EYS: variants seen among roughly 807,000 people sequenced by gnomAD.
EYS encodes the protein protein eyes shut homolog.
A neutral mutation model predicts 282.1 loss-of-function variants in EYS; 250 were observed. The ratio of observed to expected loss-of-function variants is 0.89; its 90% CI spans 0.80 to 0.98. EYS has a LOEUF of 0.98. EYS is among the 50% of genes least tolerant of loss of function. EYS has a pLI of 0.00. For missense variants in EYS, 4,016 were observed against 3,709.0 expected (o/e 1.08, Z -2.15); for synonymous variants, 1,355 against 1,282.9 (o/e 1.06, Z -1.20).
chr6:65,166,823 G>T (rs1764984347), intron 12 of EYS, among the ~76,000 whole-genome samples: 1 of 151,044 alleles, frequency 6.6e-6, no homozygotes, highest in African/African-American at 2.4e-5. Context: ...TATATAGAAT[G>T]AACTCATAAG....
chr6:64,797,702 A>G (rs745427595), intron 22 of EYS, among the ~76,000 whole-genome samples: 7 of 151,886 alleles, frequency 4.6e-5, no homozygotes, highest in African/African-American at 1.4e-4. Flanking sequence ...CAATGTAAAA[A>G]TATGTTTTTA....
At chr6:65,635,980 T>C (rs953718708) in intron 2 of EYS, among the ~76,000 whole-genome samples, 7 of 152,184 alleles carry the variant, frequency 4.6e-5, no homozygotes, top group Non-Finnish European at 1.0e-4. Flanking sequence ...TGAGATGAGA[T>C]TGATTTGAGT....
At chr6:64,487,372 G>A (rs1776607045) in intron 26 of EYS, among the ~76,000 whole-genome samples, 2 of 151,048 alleles carry the variant, frequency 1.3e-5, no homozygotes, top group Admixed American at 1.3e-4. Flanking sequence ...CTGAAAAATG[G>A]TAATGATATA....
intron 22 of EYS, among the ~76,000 whole-genome samples, chr6:64,665,655 A>C (rs2149891927): frequency 6.6e-6 from 1 of 152,354 alleles, no homozygotes; most frequent in Non-Finnish European, 1.5e-5. Flanking sequence ...TGGTATAAAA[A>C]GCACACTTAA....
intron 22 of EYS, among the ~76,000 whole-genome samples, chr6:64,772,235 T>G (rs1449261249): frequency 6.6e-6 from 1 of 151,804 alleles, no homozygotes; most frequent in African/African-American, 2.4e-5. Context: ...CTATATCAGC[T>G]GTCCTGTTTA....
At chr6:64,260,448 C>T (rs754484571) in intron 30 of EYS, among the ~76,000 whole-genome samples, 8 of 152,002 alleles carry the variant, frequency 5.3e-5, no homozygotes, top group Non-Finnish European at 1.2e-4. Flanking sequence ...GTTCTTATAC[C>T]TCTTTGATAA....
chr6:64,295,928 A>G (rs1768964113), intron 30 of EYS, among the ~76,000 whole-genome samples: 2 of 152,216 alleles, frequency 1.3e-5, no homozygotes, highest in South Asian at 4.1e-4. Context: ...TTATTTTTAA[A>G]TATTTTATAA....
chr6:63,888,414 C>T (rs1773321756), intron 35 of EYS, among the ~76,000 whole-genome samples: 1 of 152,218 alleles, frequency 6.6e-6, no homozygotes, highest in African/African-American at 2.4e-5. Flanking sequence ...GGCAGGTGCC[C>T]CTCTGGGGCG....
chr6:65,704,940 A>G lies in EYS; in HGVS notation c.-448+2195T>C, dbSNP rs528683423. On this transcript the variant is annotated intron_variant, in intron 1 of 42. Coordinates refer to ENST00000503581, the MANE Select transcript of EYS (RefSeq NM_001142800.2). ...TTATTCAGCATTATTTTCCAGGGTT[A>G]TCTTCTGAAGTGTTAGTTTTATTAT... 2.0e-5 allele frequency among the ~76,000 whole-genome samples: 3 copies of G among 152,270 alleles called. No homozygotes were observed. In the South Asian group the frequency reaches 6.2e-4, roughly 32 times the overall value.
At chr6:64,403,346 T>TA (rs886147351) in intron 28 of EYS, among the ~76,000 whole-genome samples, 6 of 151,832 alleles carry the variant, frequency 4.0e-5, no homozygotes, top group African/African-American at 1.2e-4. Flanking sequence ...ATTAAAAGGA[T>TA]AAAAAAAACA....
chr6:64,881,017 C>A (rs1298591525), intron 19 of EYS, among the ~76,000 whole-genome samples: 1 of 151,328 alleles, frequency 6.6e-6, no homozygotes, highest in Admixed American at 6.6e-5. Context: ...AGTAGTATTG[C>A]CATTCTCTGA....
intron 12 of EYS, among the ~76,000 whole-genome samples, chr6:65,275,699 G>A (rs1052891325): frequency 6.6e-6 from 1 of 152,160 alleles, no homozygotes; most frequent in Non-Finnish European, 1.5e-5. Context: ...ACTTGAAAAG[G>A]ATATAAATTG....
intron 30 of EYS, among the ~76,000 whole-genome samples, chr6:64,248,384 C>A (rs933952306): frequency 5.3e-5 from 8 of 152,012 alleles, no homozygotes; most frequent in African/African-American, 1.7e-4. Context: ...TGGAAAGGAG[C>A]TGGAGGCAGT....
At chr6:64,120,375 A>AC (rs1308722331) in intron 31 of EYS, among the ~76,000 whole-genome samples, 7 of 150,702 alleles carry the variant, frequency 4.6e-5, no homozygotes, top group African/African-American at 1.7e-4. Flanking sequence ...AAAAAAAAAA[A>AC]AAAAAAAGAA....
At chr6:64,121,266 A>T (rs1043157279) in intron 31 of EYS, among the ~76,000 whole-genome samples, 12 of 152,228 alleles carry the variant, frequency 7.9e-5, no homozygotes, top group African/African-American at 2.9e-4. Flanking sequence ...ATCTTACTAC[A>T]TTCATAGGTT....
intron 36 of EYS, among the ~76,000 whole-genome samples, chr6:63,816,255 T>G (rs1048189722): frequency 6.6e-6 from 1 of 152,194 alleles, no homozygotes; most frequent in African/African-American, 2.4e-5. Flanking sequence ...TTTTGTGTAC[T>G]AATAGTGAGC....
intron 30 of EYS, among the ~76,000 whole-genome samples, chr6:64,240,477 T>C (rs887703023): frequency 6.6e-6 from 1 of 152,178 alleles, no homozygotes; most frequent in Non-Finnish European, 1.5e-5. Context: ...ACATCCCTTG[T>C]AAGTTGGATT....
intron 31 of EYS, among the ~76,000 whole-genome samples, chr6:64,174,216 T>TA (rs1342538802): frequency 6.6e-6 from 1 of 152,094 alleles, no homozygotes; most frequent in African/African-American, 2.4e-5. Context: ...CAACTGAAAG[T>TA]GAAAAAAATC....
At chr6:65,097,504 T>C (rs930212384) in intron 12 of EYS, among the ~76,000 whole-genome samples, 1 of 150,868 alleles carries the variant, frequency 6.6e-6, no homozygotes, top group African/African-American at 2.4e-5. Flanking sequence ...TGAGTATCCA[T>C]CCAAAATAAT....
Sources: gnomAD v4.1 joint callset for allele counts (sites outside exome capture counted in the v4.1 genomes callset) on GRCh38, gnomAD v4.1.1 for gene constraint, MANE v1.5 for transcripts, NCBI Gene and HGNC (gene_info 2026-07-23, HGNC 2026-07-21) for gene names.